EPHX3: variants seen among roughly 807,000 people sequenced by gnomAD.
EPHX3 encodes the protein abhydrolase domain containing 9.
Under a neutral mutation model 40.2 loss-of-function variants are expected in EPHX3, and 39 were observed. The ratio of observed to expected loss-of-function variants is 0.97; its 90% CI spans 0.75 to 1.27. EPHX3 has a LOEUF of 1.27. Among genes scored for constraint, EPHX3 ranks in the 50% most tolerant of loss-of-function variants. The probability of loss-of-function intolerance (pLI) is 0.00; values close to 1 mark genes in which losing one functional copy is unlikely to be tolerated. For synonymous variants in EPHX3, 213 were observed against 209.7 expected (o/e 1.02, Z -0.14); for missense variants, 442 against 474.0 (o/e 0.93, Z 0.63).
intron 6 of EPHX3, 45 bp downstream of exon 6, chr19:15,227,725 CT>C (rs761927737): frequency 1.2e-6 from 2 of 1,610,352 alleles, no homozygotes; most frequent in East Asian, 2.2e-5. Context: ...TCCCACCCCC[CT>C]GCCCCTGCAA....
Position 15,227,210 on chromosome 19 carries a change from G to T in EPHX3, c.*227C>A. On this transcript the variant is annotated 3_prime_UTR_variant, in exon 7 of 7. Transcript: ENST00000221730. ...GGTATACCCAGTTCCCAGGGTCAAA[G>T]TGTTTGTTACACACACATGCATCCA... 1 of 539,268 alleles carries T rather than the reference G, an allele frequency of 1.9e-6. No individual in the cohort carries two copies. Among genetic ancestry groups the T allele is most frequent in the Non-Finnish European group, 3.3e-6 (1 of 301,684 alleles). The allele number at this position is 539,268 out of a possible 1,614,324, so 33.4% of individuals were successfully genotyped here. A position where few individuals can be genotyped will look rare whatever the true frequency, so the allele number is the denominator to read the frequency against.
Position 15,227,382 on chromosome 19 carries a change from G to A in EPHX3, c.*55C>T. 7.3e-7 allele frequency: 1 copy of A among 1,376,242 alleles called. No homozygotes were observed. The highest frequency in any genetic ancestry group is 1.0e-6 in the Non-Finnish European group (1 of 965,654). 85.3% of individuals were successfully genotyped at this position (1,376,242 alleles called of 1,614,324 possible). A position where few individuals can be genotyped will look rare whatever the true frequency, so the allele number is the denominator to read the frequency against. ...GGACTCCCAGGCACACACAGATAAT[G>A]GGTGTGTGTTCCTTCCTGAGTATCC... On this transcript the variant is annotated 3_prime_UTR_variant, in exon 7 of 7. Transcript: ENST00000221730.
intron 4 of EPHX3, among the ~76,000 whole-genome samples, chr19:15,228,701 A>G (rs1295039565): frequency 6.6e-6 from 1 of 151,212 alleles, no homozygotes; most frequent in Admixed American, 6.6e-5. Flanking sequence ...TTGTATTTTT[A>G]GTAGAGACAG....
intron 4 of EPHX3, 36 bp downstream of exon 4, chr19:15,230,926 T>A: frequency 6.2e-7 from 1 of 1,609,184 alleles, no homozygotes; most frequent in Non-Finnish European, 8.5e-7. Flanking sequence ...CCCTTGCACA[T>A]AAGTACATCC....
chr19:15,228,004 T>A lies in EPHX3; in HGVS notation c.713A>T (p.Asp238Val), dbSNP rs2047125731. The change falls in exon 5 of 7, where the codon GAC (aspartate) becomes GTC (valine). Residue 238 changes from aspartate (D) to valine (V), a missense_variant. Asp to Val is a radical substitution (Grantham distance 152). Transcript: ENST00000221730. ...WLPEKLLSMS[D>V]FQILKTTLTH... ...AACCTGCACCCTCTGTACCTGAAAG[T>A]CAGACATAGACAGCAGCTTCTCGGG... 6.2e-7 allele frequency: 1 copy of A among 1,610,592 alleles called. No homozygotes were observed. Among genetic ancestry groups the A allele is most frequent in the Admixed American group, 1.7e-5 (1 of 59,800 alleles).
intron 4 of EPHX3, among the ~76,000 whole-genome samples, chr19:15,229,337 C>A (rs534767950): frequency 6.6e-6 from 1 of 151,936 alleles, no homozygotes; most frequent in East Asian, 2.0e-4. Flanking sequence ...GGGTGGCTCA[C>A]TCCTGTAATC....
chr19:15,228,120 G>A lies in EPHX3; in HGVS notation c.617-20C>T. 1 of 1,365,652 alleles carries A rather than the reference G, an allele frequency of 7.3e-7. No homozygotes were observed. The highest frequency in any genetic ancestry group is 1.0e-6 in the Non-Finnish European group (1 of 962,460). 84.6% of individuals were successfully genotyped at this position (1,365,652 alleles called of 1,614,324 possible). A position where few individuals can be genotyped will look rare whatever the true frequency, so the allele number is the denominator to read the frequency against. On this transcript the variant is annotated intron_variant, in intron 4 of 6. Transcript: ENST00000221730. ...AATAGTCTGGGGTGGGAGGGTTGGG[G>A]GAGAGATATAAGGCCTGCTCCTGGG... is the stretch of plus-strand genomic sequence containing the variant.
rs893261742 is a variant in EPHX3 at position 15,227,021 on chromosome 19, G to C, written c.*416C>G. On this transcript the variant is annotated 3_prime_UTR_variant, in exon 7 of 7. Transcript: ENST00000221730. ...GCAGTATTGTATTCAGAGTAGCACT[G>C]AGCTGAAGACCCAGGCAGGAGGTCG... 1 of 239,020 alleles carries C rather than the reference G, an allele frequency of 4.2e-6. No individual in the cohort carries two copies. Among genetic ancestry groups the C allele is most frequent in the Non-Finnish European group, 8.2e-6 (1 of 121,908 alleles). 14.8% of individuals were successfully genotyped at this position (239,020 alleles called of 1,614,324 possible).
upstream of EPHX3, among the ~76,000 whole-genome samples, chr19:15,235,108 TCTC>T (rs1327429975): frequency 1.3e-5 from 2 of 152,006 alleles, no homozygotes; most frequent in East Asian, 3.9e-4. Context: ...TTCAAGCAAT[TCTC>T]CTGCCTCAGC....
upstream of EPHX3, among the ~76,000 whole-genome samples, chr19:15,234,853 T>C (rs771012181): frequency 6.6e-6 from 1 of 152,230 alleles, no homozygotes; most frequent in Non-Finnish European, 1.5e-5. Flanking sequence ...GTTTATGTTC[T>C]GCCTCAGTGA....
rs945975867 is a variant in EPHX3, at chr19:15,227,115, C to T, written c.*322G>A. 25 of 386,460 alleles carry T rather than the reference C, an allele frequency of 6.5e-5. No individual in the cohort carries two copies. The highest frequency in any genetic ancestry group is 7.9e-5 in the Admixed American group (2 of 25,206). 23.9% of individuals were successfully genotyped at this position (386,460 alleles called of 1,614,324 possible). On this transcript the variant is annotated 3_prime_UTR_variant, in exon 7 of 7. Transcript: ENST00000221730. ...TGGCAGAGAAGCGACTTTGGCAAAG[C>T]GCAGAGTGAGGCCCCAGGAAGGGAG...
At chr19:15,233,560 C>T (rs1219125961), upstream of EPHX3, 3 of 152,308 alleles carry the variant, frequency 2.0e-5, no homozygotes, top group African/African-American at 7.2e-5. Context: ...GCCCGGGAGC[C>T]AATCTGCAGG....
At chr19:15,232,647 C>T (rs1378241262), upstream of EPHX3, among the ~76,000 whole-genome samples, 3 of 151,976 alleles carry the variant, frequency 2.0e-5, no homozygotes, top group Admixed American at 1.3e-4. Context: ...TAGGCCGAGG[C>T]GGGCGGATCA....
In EPHX3 at chr19:15,231,517, A is replaced by G. The variant is rs139665656; in HGVS notation, c.330-121T>C. ...GCTCTAAACTTCCCCTAAAAGGAGG[A>G]TGGGGAATCCCAGGCAGAGGCAGAG... On this transcript the variant is annotated intron_variant, in intron 2 of 6. Transcript: ENST00000221730. The G allele has an allele frequency of 3.4e-4, 444 of 1,320,650 alleles. 1 individual carries two copies. The African/African-American group carries it at 5.7e-3, about 17-fold the overall frequency. The allele number at this position is 1,320,650 out of a possible 1,614,324, so 81.8% of individuals were successfully genotyped here. A position where few individuals can be genotyped will look rare whatever the true frequency, so the allele number is the denominator to read the frequency against.
At chr19:15,236,762 C>G (rs1469030039), upstream of EPHX3, 1 of 175,914 alleles carries the variant, frequency 5.7e-6, no homozygotes, top group Admixed American at 6.4e-5. Flanking sequence ...CAGAGGTGGT[C>G]TGGGGTCCAG....
chr19:15,231,415 A>G lies in EPHX3; in HGVS notation c.330-19T>C, dbSNP rs758513020. 6.2e-7 allele frequency: 1 copy of G among 1,611,626 alleles called. No homozygotes were observed. The highest frequency in any genetic ancestry group is 8.5e-7 in the Non-Finnish European group (1 of 1,179,268). On this transcript the variant is annotated intron_variant, in intron 2 of 6. Coordinates refer to ENST00000221730, the MANE Select transcript of EPHX3 (RefSeq NM_024794.3). The stretch of plus-strand genomic sequence containing the variant: ...GGAGAACCTGCCAGGCGGGCGAGGG[A>G]GGGAGGCTGAGTCAGGGCCCTCAGG...
In EPHX3 at chr19:15,227,813, C is replaced by G; in HGVS notation, c.815G>C (p.Gly272Ala). Residue 272 changes from glycine (G) to alanine (A), a missense_variant, in exon 6 of 7, where the codon GGT becomes GCT. By Grantham distance (60) the Gly-to-Ala change is moderately conservative. Coordinates refer to ENST00000221730, the MANE Select transcript of EPHX3 (RefSeq NM_024794.3). ...GTAGTTGAGGGGCCCAGTGAGGCCA[C>G]CAGGCTGTGAGAAGTTATAAAGGAA... is the stretch of plus-strand genomic sequence containing the variant. ...EAFLYNFSQP[G>A]GLTGPLNYYR... 6.2e-7 allele frequency: 1 copy of G among 1,613,946 alleles called. No individual in the cohort carries two copies.
intron 4 of EPHX3, among the ~76,000 whole-genome samples, chr19:15,230,254 C>T (rs1335047835): frequency 4.6e-5 from 7 of 152,094 alleles, no homozygotes; most frequent in Admixed American, 2.6e-4. Flanking sequence ...CTGCAACCTC[C>T]ACTTCTCAGG....
chr19:15,227,206 C>A lies in EPHX3; in HGVS notation c.*231G>T, dbSNP rs1385342497. On this transcript the variant is annotated 3_prime_UTR_variant, in exon 7 of 7. Transcript: ENST00000221730. The stretch of plus-strand genomic sequence containing the variant: ...GAGAGGTATACCCAGTTCCCAGGGT[C>A]AAAGTGTTTGTTACACACACATGCA... The A allele has an allele frequency of 9.0e-6, 5 of 553,664 alleles. No homozygotes were observed. The highest frequency in any genetic ancestry group is 1.9e-5 in the African/African-American group (1 of 52,930). The allele number at this position is 553,664 out of a possible 1,614,324, so 34.3% of individuals were successfully genotyped here.
Sources: gnomAD v4.1 joint callset for allele counts (sites outside exome capture counted in the v4.1 genomes callset) on GRCh38, gnomAD v4.1.1 for gene constraint, MANE v1.5 for transcripts, NCBI Gene and HGNC (gene_info 2026-07-23, HGNC 2026-07-21) for gene names.